The following EMCN variants were observed in gnomAD, a reference collection of about 807,000 sequenced individuals.
The protein encoded by EMCN is endomucin.
Under a neutral mutation model 38.4 loss-of-function variants are expected in EMCN, and 37 were observed. That is an observed-to-expected ratio of 0.96 (90% CI 0.74 to 1.27). The LOEUF (loss-of-function observed/expected upper bound fraction) is 1.27, where lower values mean the gene tolerates loss of function less well. Among genes scored for constraint, EMCN ranks in the 50% most tolerant of loss-of-function variants. EMCN has a pLI of 0.00. For missense variants in EMCN, 318 were observed against 302.8 expected (o/e 1.05, Z -0.37); for synonymous variants, 95 against 100.8 (o/e 0.94, Z 0.35).
intron 1 of EMCN, among the ~76,000 whole-genome samples, chr4:100,502,505 A>C (rs968580968): frequency 1.3e-5 from 2 of 152,160 alleles, no homozygotes; most frequent in Non-Finnish European, 1.5e-5. Flanking sequence ...TTTCTTTTTA[A>C]CTCCTATATC....
chr4:100,492,635 G>A (rs1729113047), intron 1 of EMCN, among the ~76,000 whole-genome samples: 1 of 151,752 alleles, frequency 6.6e-6, no homozygotes, highest in African/African-American at 2.4e-5. Context: ...CATTAAAGAT[G>A]AATAAAAAAT....
intron 11 of EMCN, among the ~76,000 whole-genome samples, chr4:100,403,174 A>G (rs975625912): frequency 6.6e-6 from 1 of 152,070 alleles, no homozygotes; most frequent in African/African-American, 2.4e-5. Context: ...CCATTTTATC[A>G]TCCATGTAAT....
chr4:100,455,872 GA>G (rs1333694040), intron 4 of EMCN, among the ~76,000 whole-genome samples: 2 of 151,884 alleles, frequency 1.3e-5, no homozygotes, highest in African/African-American at 4.8e-5. Context: ...ATGGCTCACT[GA>G]ATTCTCGATC....
intron 3 of EMCN, among the ~76,000 whole-genome samples, chr4:100,473,373 G>GTTTTTTTTTTTTTTTTTTTT (rs1256284835): frequency 3.2e-4 from 21 of 66,012 alleles, no homozygotes; most frequent in East Asian, 1.1e-3. Flanking sequence ...GTGTTTTTTT[G>GTTTTTTTTTTTTTTTTTTTT]TTTTTTTTTT....
At chr4:100,498,431 A>G (rs1335362801) in intron 1 of EMCN, among the ~76,000 whole-genome samples, 1 of 152,238 alleles carries the variant, frequency 6.6e-6, no homozygotes, top group African/African-American at 2.4e-5. Context: ...AGCTAAATCA[A>G]TTAGTAAAAT....
At chr4:100,420,591 A>G (rs1486621350) in intron 8 of EMCN, among the ~76,000 whole-genome samples, 1 of 151,954 alleles carries the variant, frequency 6.6e-6, no homozygotes, top group Non-Finnish European at 1.5e-5. Flanking sequence ...GAAGAGGCAA[A>G]TTTCTTGGAA....
intron 1 of EMCN, among the ~76,000 whole-genome samples, chr4:100,516,634 A>G (rs753991544): frequency 6.6e-6 from 1 of 152,142 alleles, no homozygotes; most frequent in Non-Finnish European, 1.5e-5. Context: ...ACTTAACCGC[A>G]GAAACTCCAA....
At chr4:100,484,990 A>G (rs1426212303) in intron 1 of EMCN, among the ~76,000 whole-genome samples, 2 of 152,228 alleles carry the variant, frequency 1.3e-5, no homozygotes, top group East Asian at 3.9e-4. Context: ...CTGAGAACAT[A>G]TTTACTTGCC....
chr4:100,431,900 T>G lies in EMCN; in HGVS notation c.416-8496A>C, dbSNP rs561794558. ...AATACAGTTGTTTTCCCCAGAAAATTAAGGGTTAATGGCTTATTCCTTTCT... is the reference window on the plus strand; with the variant it reads ...AATACAGTTGTTTTCCCCAGAAAATGAAGGGTTAATGGCTTATTCCTTTCT... On this transcript the variant is annotated intron_variant, in intron 5 of 11. Transcript: ENST00000296420. Among the ~76,000 whole-genome samples the G allele has an allele frequency of 2.6e-5, 4 of 152,206 alleles. No individual in the cohort carries two copies. The South Asian group carries it at 6.2e-4, about 24-fold the overall frequency.
intron 3 of EMCN, among the ~76,000 whole-genome samples, chr4:100,473,194 T>C (rs1021136725): frequency 1.2e-4 from 18 of 150,076 alleles, no homozygotes; most frequent in South Asian, 8.4e-4. Context: ...TTTGTATTTT[T>C]AGTAGAGACA....
intron 11 of EMCN, among the ~76,000 whole-genome samples, chr4:100,403,980 G>A (rs576456750): frequency 1.1e-4 from 17 of 151,856 alleles, no homozygotes; most frequent in South Asian, 4.2e-4. Flanking sequence ...TACCTTTATC[G>A]GATGCATAGT....
At chr4:100,515,514 G>A (rs1423223003) in intron 1 of EMCN, among the ~76,000 whole-genome samples, 8 of 152,072 alleles carry the variant, frequency 5.3e-5, no homozygotes, top group Admixed American at 5.2e-4. Flanking sequence ...AGACTGTATT[G>A]TAGTTATTTA....
chr4:100,462,740 G>T (rs547052041), intron 4 of EMCN, among the ~76,000 whole-genome samples: 1 of 152,232 alleles, frequency 6.6e-6, no homozygotes, highest in African/African-American at 2.4e-5. Flanking sequence ...AAGAAGAGAT[G>T]ATTCTGCTCT....
At chr4:100,505,856 G>C (rs1241841695) in intron 1 of EMCN, among the ~76,000 whole-genome samples, 1 of 152,110 alleles carries the variant, frequency 6.6e-6, no homozygotes, top group Non-Finnish European at 1.5e-5. Context: ...ACCTACAAGA[G>C]AGAAATTTTA....
At chr4:100,487,103 A>C (rs1304579783) in intron 1 of EMCN, 1 of 784,338 alleles carries the variant, frequency 1.3e-6, no homozygotes, top group Non-Finnish European at 1.5e-6. Flanking sequence ...ATATCTTGGC[A>C]ATGCTCCTTG....
chr4:100,427,121 A>T (rs1727069486), intron 5 of EMCN, among the ~76,000 whole-genome samples: 1 of 152,142 alleles, frequency 6.6e-6, no homozygotes, highest in East Asian at 1.9e-4. Flanking sequence ...TTAAAAAAAT[A>T]ACTTTTCAGC....
chr4:100,445,674 A>G (rs924033944), intron 5 of EMCN, among the ~76,000 whole-genome samples: 1 of 152,208 alleles, frequency 6.6e-6, no homozygotes, highest in African/African-American at 2.4e-5. Flanking sequence ...GTATTTTAAC[A>G]TCTTTGATGC....
intron 9 of EMCN, among the ~76,000 whole-genome samples, chr4:100,416,826 A>T (rs941072814): frequency 6.6e-6 from 1 of 152,120 alleles, no homozygotes; most frequent in African/African-American, 2.4e-5. Context: ...TCACTGGGAA[A>T]CTATTTTAAA....
intron 3 of EMCN, among the ~76,000 whole-genome samples, chr4:100,473,426 T>C (rs1728550783): frequency 6.7e-6 from 1 of 148,672 alleles, no homozygotes; most frequent in Non-Finnish European, 1.5e-5. Context: ...TGTTTATGTT[T>C]ATTTTAGACT....
Sources: allele counts gnomAD v4.1 joint callset (sites outside exome capture counted in the v4.1 genomes callset), GRCh38; gene constraint gnomAD v4.1.1; transcripts MANE v1.5; gene names NCBI Gene and HGNC (gene_info 2026-07-23, HGNC 2026-07-21).